EBF1: variants seen among roughly 807,000 people sequenced by gnomAD.
EBF1 encodes the protein transcription factor COE1.
A neutral mutation model predicts 68.4 loss-of-function variants in EBF1; 10 were observed. The observed-to-expected ratio is 0.15, with a 90% confidence interval of 0.09 to 0.25. EBF1 has a LOEUF of 0.25. EBF1 is among the 10% of genes least tolerant of loss of function. The pLI is 1.00. For synonymous variants in EBF1, 298 were observed against 299.8 expected (o/e 0.99, Z 0.06); for missense variants, 509 against 794.4 (o/e 0.64, Z 4.32).
At chr5:158,901,623 A>C (rs1265675000) in intron 6 of EBF1, among the ~76,000 whole-genome samples, 2 of 152,258 alleles carry the variant, frequency 1.3e-5, no homozygotes, top group Non-Finnish European at 2.9e-5. Context: ...AATTATAGCT[A>C]ACATTTATTA....
At chr5:159,017,222 C>T (rs898390102) in intron 6 of EBF1, among the ~76,000 whole-genome samples, 3 of 152,284 alleles carry the variant, frequency 2.0e-5, no homozygotes, top group South Asian at 2.1e-4. Context: ...CATCTAGCTA[C>T]CCTGCAGCTA....
chr5:158,838,409 G>T (rs575624049), intron 7 of EBF1, among the ~76,000 whole-genome samples: 10 of 134,128 alleles, frequency 7.5e-5, no homozygotes, highest in Non-Finnish European at 1.5e-4. Flanking sequence ...TTGTGCCACT[G>T]CACTCCAGCC....
rs568878993 is a variant in EBF1, at chr5:158,888,426, A to G, written c.555-48316T>C. Among the ~76,000 whole-genome samples, 3 of 152,294 alleles carry G rather than the reference A, an allele frequency of 2.0e-5. No homozygotes were observed. In the South Asian group the frequency reaches 6.2e-4, roughly 32 times the overall value. ...TTCTCAGAGAAAGTTGTGTACATTC[A>G]TTCCTAAGAGGCAAGAATGTGAACC... is the stretch of plus-strand genomic sequence containing the variant. On this transcript the variant is annotated intron_variant, in intron 6 of 15. Transcript: ENST00000313708.
chr5:158,800,046 T>A (rs182918531), intron 8 of EBF1, among the ~76,000 whole-genome samples: 1 of 152,236 alleles, frequency 6.6e-6, no homozygotes, highest in Non-Finnish European at 1.5e-5. Flanking sequence ...GGTACCCAAA[T>A]GTTCATTGCG....
intron 6 of EBF1, among the ~76,000 whole-genome samples, chr5:158,872,259 T>A (rs1157996975): frequency 6.6e-6 from 1 of 151,908 alleles, no homozygotes; most frequent in Non-Finnish European, 1.5e-5. Context: ...CCCAGCGGCA[T>A]GATCTCAGCT....
intron 11 of EBF1, among the ~76,000 whole-genome samples, chr5:158,715,041 C>A (rs560998893): frequency 1.3e-5 from 2 of 152,302 alleles, no homozygotes; most frequent in African/African-American, 4.8e-5. Flanking sequence ...TAAAAGAAAT[C>A]TCTCTCTTCA....
chr5:158,716,939 T>C (rs1057188985), intron 11 of EBF1, among the ~76,000 whole-genome samples: 18 of 152,344 alleles, frequency 1.2e-4, no homozygotes, highest in South Asian at 4.1e-4. Context: ...TAACCTCTCA[T>C]TTACTACCAG....
intron 5 of EBF1, among the ~76,000 whole-genome samples, chr5:159,082,908 CA>C (rs1466447011): frequency 6.6e-6 from 1 of 152,032 alleles, no homozygotes; most frequent in African/African-American, 2.4e-5. Context: ...TAAAGCACAC[CA>C]ACCAGCATAA....
chr5:158,713,705 T>C (rs1759991265), intron 12 of EBF1, among the ~76,000 whole-genome samples: 1 of 152,228 alleles, frequency 6.6e-6, no homozygotes, highest in Non-Finnish European at 1.5e-5. Flanking sequence ...GCTATGTGAA[T>C]CTTATACATG....
chr5:158,871,373 C>G lies in EBF1; in HGVS notation c.555-31263G>C, dbSNP rs558366053. Among the ~76,000 whole-genome samples, 67 of 152,290 alleles carry G rather than the reference C, an allele frequency of 4.4e-4. 1 individual carries two copies. The South Asian group carries it at 0.013, about 29-fold the overall frequency. ...TAAAAAATAATAATTAAATAAAGTT[C>G]TAGACACATTTGGGCTCCCTTGGAA... is the stretch of plus-strand genomic sequence containing the variant. On this transcript the variant is annotated intron_variant, in intron 6 of 15. Transcript: ENST00000313708.
In EBF1 at chr5:158,740,425, T is replaced by C. The variant is rs138523191; in HGVS notation, c.1037-9268A>G. Among the ~76,000 whole-genome samples the C allele has an allele frequency of 1.5e-3, 222 of 152,050 alleles. 1 individual carries two copies. Among genetic ancestry groups the C allele is most frequent in the African/African-American group, 4.9e-3 (205 of 41,460 alleles). ...AACCAGTGGACAGGTTTCAGAAGAG[T>C]TGTAATGAAATTATAACAGAGCTCT... On this transcript the variant is annotated intron_variant, in intron 10 of 15. Transcript: ENST00000313708.
intron 6 of EBF1, among the ~76,000 whole-genome samples, chr5:158,855,756 C>T (rs981424350): frequency 4.0e-5 from 6 of 151,898 alleles, no homozygotes; most frequent in African/African-American, 1.2e-4. Context: ...TTTTCTAACT[C>T]ATAACAGTGA....
intron 9 of EBF1, among the ~76,000 whole-genome samples, chr5:158,788,836 T>A (rs1777978228): frequency 6.6e-6 from 1 of 152,158 alleles, no homozygotes; most frequent in Non-Finnish European, 1.5e-5. Context: ...TCTTAAAGTC[T>A]TTTTTTAACT....
At chr5:159,066,463 G>A (rs1776813685) in intron 6 of EBF1, among the ~76,000 whole-genome samples, 1 of 152,128 alleles carries the variant, frequency 6.6e-6, no homozygotes, top group South Asian at 2.1e-4. Context: ...CGAAAGTGGA[G>A]TACACATTTC....
intron 6 of EBF1, among the ~76,000 whole-genome samples, chr5:158,998,404 A>G (rs979994075): frequency 6.6e-6 from 1 of 152,092 alleles, no homozygotes. Flanking sequence ...ACTACCTGAG[A>G]TTATAGCATA....
intron 6 of EBF1, among the ~76,000 whole-genome samples, chr5:159,000,296 CT>C (rs1427800535): frequency 4.6e-5 from 7 of 152,068 alleles, no homozygotes; most frequent in African/African-American, 1.7e-4. Context: ...AATCTTGACC[CT>C]CCTTACATCT....
intron 5 of EBF1, among the ~76,000 whole-genome samples, chr5:159,074,745 G>A (rs1343640730): frequency 6.6e-6 from 1 of 152,188 alleles, no homozygotes; most frequent in African/African-American, 2.4e-5. Flanking sequence ...TCTTCGGAGA[G>A]TAAGAGTAAG....
At position 158,896,290 on chromosome 5, in the gene EBF1, GT is replaced by G. The variant is rs1197836591; in HGVS notation, c.555-56181del. Among the ~76,000 whole-genome samples the G allele has an allele frequency of 3.3e-5, 5 of 151,998 alleles. No individual in the cohort carries two copies. The East Asian group carries it at 7.7e-4, about 23-fold the overall frequency. ...ATTTGCTATATTGATGGGAAGTTGA[GT>G]TTTTTTTCCTCAACTATTACCTATT... On this transcript the variant is annotated intron_variant, in intron 6 of 15. Coordinates refer to ENST00000313708, the MANE Select transcript of EBF1 (RefSeq NM_024007.5).
chr5:158,864,518 A>G (rs999337765), intron 6 of EBF1, among the ~76,000 whole-genome samples: 1 of 152,102 alleles, frequency 6.6e-6, no homozygotes, highest in Non-Finnish European at 1.5e-5. Context: ...CAGTAGTTCT[A>G]TGCCTGTTCT....
Sources: allele counts gnomAD v4.1 joint callset (sites outside exome capture counted in the v4.1 genomes callset), GRCh38; gene constraint gnomAD v4.1.1; transcripts MANE v1.5; gene names NCBI Gene and HGNC (gene_info 2026-07-23, HGNC 2026-07-21).